The following TEAD1 variants were observed in gnomAD, a reference collection of about 807,000 sequenced individuals.
TEAD1 encodes TEA domain transcription factor 1.
Under a neutral mutation model 54.9 loss-of-function variants are expected in TEAD1, and 9 were observed. The observed-to-expected ratio is 0.16, with a 90% confidence interval of 0.10 to 0.29. The LOEUF (loss-of-function observed/expected upper bound fraction) is 0.29, where lower values mean the gene tolerates loss of function less well. TEAD1 is among the 10% of genes least tolerant of loss of function. TEAD1 has a pLI of 1.00. For synonymous variants in TEAD1, 200 were observed against 187.8 expected, an observed-to-expected ratio of 1.07 and a Z score of -0.53; for missense variants, 387 against 535.9, an observed-to-expected ratio of 0.72 and a Z score of 2.74.
chr11:12,760,238 A>G (rs1345971556), intron 2 of TEAD1, among the ~76,000 whole-genome samples: 2 of 152,268 alleles, frequency 1.3e-5, no homozygotes, highest in African/African-American at 2.4e-5. Context: ...GCCTTCACTC[A>G]TGATCTTACT....
At chr11:12,815,944 T>G (rs1564949914) in intron 3 of TEAD1, among the ~76,000 whole-genome samples, 1 of 152,366 alleles carries the variant, frequency 6.6e-6, no homozygotes, top group East Asian at 1.9e-4. Context: ...GAGCTAATCC[T>G]TTTAAATTAC....
intron 2 of TEAD1, among the ~76,000 whole-genome samples, chr11:12,692,824 G>C (rs1564908787): frequency 6.6e-6 from 1 of 152,226 alleles, no homozygotes; most frequent in Non-Finnish European, 1.5e-5. Flanking sequence ...TGCTGGAGGA[G>C]CCCAGCCATG....
At chr11:12,739,388 A>C (rs1944606116) in intron 2 of TEAD1, among the ~76,000 whole-genome samples, 1 of 152,210 alleles carries the variant, frequency 6.6e-6, no homozygotes, top group South Asian at 2.1e-4. Flanking sequence ...CCATCCATGC[A>C]CAGAACTCTT....
intron 3 of TEAD1, among the ~76,000 whole-genome samples, chr11:12,845,044 CA>C (rs1167553137): frequency 3.1e-4 from 44 of 141,396 alleles, no homozygotes; most frequent in Admixed American, 2.2e-3. Flanking sequence ...TGGCTCACTG[CA>C]ACCTCTGCCT....
intron 9 of TEAD1, among the ~76,000 whole-genome samples, chr11:12,897,138 A>G (rs957141768): frequency 6.7e-6 from 1 of 150,054 alleles, no homozygotes; most frequent in African/African-American, 2.5e-5. Context: ...TCTTTCCCAA[A>G]TGCCAGTTTT....
intron 3 of TEAD1, among the ~76,000 whole-genome samples, chr11:12,821,432 A>G (rs1327753294): frequency 1.3e-5 from 2 of 152,204 alleles, no homozygotes; most frequent in African/African-American, 4.8e-5. Flanking sequence ...AGAAATGGAA[A>G]GCACTGTGGG....
intron 9 of TEAD1, among the ~76,000 whole-genome samples, chr11:12,884,478 C>T (rs548405887): frequency 3.9e-5 from 6 of 152,268 alleles, no homozygotes; most frequent in African/African-American, 4.8e-5. Context: ...GGTAGATAAC[C>T]GAGATGCTGA....
intron 2 of TEAD1, among the ~76,000 whole-genome samples, chr11:12,723,425 ACAAAC>A (rs1564918804): frequency 6.6e-6 from 1 of 152,230 alleles, no homozygotes; most frequent in African/African-American, 2.4e-5. Flanking sequence ...CAGCGAAAAA[ACAAAC>A]CAAACTAACA....
intron 11 of TEAD1, among the ~76,000 whole-genome samples, chr11:12,926,420 G>A (rs116072093): frequency 6.6e-6 from 1 of 152,176 alleles, no homozygotes; most frequent in Non-Finnish European, 1.5e-5. Context: ...TGGGAATCCT[G>A]TAAGATGTTT....
intron 2 of TEAD1, among the ~76,000 whole-genome samples, chr11:12,763,838 C>G (rs1267249924): frequency 6.6e-6 from 1 of 152,214 alleles, no homozygotes; most frequent in Non-Finnish European, 1.5e-5. Context: ...GAGTACCATT[C>G]TTCCATATAA....
chr11:12,782,596 T>C (rs1945581852), intron 3 of TEAD1, among the ~76,000 whole-genome samples: 1 of 152,216 alleles, frequency 6.6e-6, no homozygotes, highest in Non-Finnish European at 1.5e-5. Context: ...AAACTTGAAT[T>C]GTACACTTAA....
At chr11:12,816,792 C>T (rs565784054) in intron 3 of TEAD1, among the ~76,000 whole-genome samples, 7 of 152,252 alleles carry the variant, frequency 4.6e-5, no homozygotes, top group African/African-American at 1.7e-4. Flanking sequence ...GGTTCCTGCT[C>T]TTAAGATGCT....
chr11:12,812,323 A>G (rs1249408753), intron 3 of TEAD1, among the ~76,000 whole-genome samples: 3 of 152,154 alleles, frequency 2.0e-5, no homozygotes, highest in Non-Finnish European at 4.4e-5. Context: ...GGAAGAGTAC[A>G]TCATAGCATG....
At chr11:12,916,002 TGGG>T (rs1948705636) in intron 10 of TEAD1, among the ~76,000 whole-genome samples, 1 of 152,180 alleles carries the variant, frequency 6.6e-6, no homozygotes, top group Admixed American at 6.5e-5. Flanking sequence ...AAACTTTTGA[TGGG>T]GTGTATTTTT....
chr11:12,739,063 G>A (rs536899016), intron 2 of TEAD1, among the ~76,000 whole-genome samples: 1 of 152,226 alleles, frequency 6.6e-6, no homozygotes, highest in Non-Finnish European at 1.5e-5. Context: ...TGGTTGGAAA[G>A]ATACAAGGGG....
chr11:12,753,193 TTCTG>T (rs1482714113), intron 2 of TEAD1, among the ~76,000 whole-genome samples: 3 of 152,188 alleles, frequency 2.0e-5, no homozygotes, highest in Admixed American at 6.5e-5. Context: ...ATTTGGCTGT[TTCTG>T]TCTGTTACAA....
chr11:12,698,022 C>CA (rs1409217799), intron 2 of TEAD1, among the ~76,000 whole-genome samples: 875 of 60,982 alleles, frequency 0.014, 9 homozygotes, highest in East Asian at 0.062. Flanking sequence ...AACTCCGTCT[C>CA]AAAAAAAAAA....
rs559082438 is a variant in TEAD1, at chr11:12,784,930, C to G, written c.202+20496C>G. 5.3e-5 allele frequency among the ~76,000 whole-genome samples: 8 copies of G among 152,310 alleles called. No individual in the cohort carries two copies. The South Asian group carries it at 6.2e-4, about 12-fold the overall frequency. ...GCAGGGTGAGGGGATCCTGGAGAAT[C>G]AGCTCCCTTTTGAAATCTGCTCCAG... On this transcript the variant is annotated intron_variant, in intron 3 of 12. Transcript: ENST00000527636.
chr11:12,700,507 A>G (rs1943676881), intron 2 of TEAD1, among the ~76,000 whole-genome samples: 1 of 152,248 alleles, frequency 6.6e-6, no homozygotes, highest in Admixed American at 6.5e-5. Flanking sequence ...TAAATTAAAA[A>G]ATGATGTTAT....
Sources: gnomAD v4.1 joint callset for allele counts (sites outside exome capture counted in the v4.1 genomes callset) on GRCh38, gnomAD v4.1.1 for gene constraint, MANE v1.5 for transcripts, NCBI Gene and HGNC (gene_info 2026-07-23, HGNC 2026-07-21) for gene names.